The following PTPRB variants were observed in gnomAD, a reference collection of about 807,000 sequenced individuals.
PTPRB encodes receptor-type tyrosine-protein phosphatase beta.
In PTPRB, 97 loss-of-function variants were observed where a neutral mutation model predicts 238.1. That is an observed-to-expected ratio of 0.41 (90% CI 0.35 to 0.48). The LOEUF (loss-of-function observed/expected upper bound fraction) is 0.48. Ranked by LOEUF, PTPRB falls within the 20% of genes least tolerant of loss-of-function variation. The pLI, the probability that PTPRB is intolerant of heterozygous loss-of-function variation, is 0.30. For synonymous variants in PTPRB, 970 were observed against 995.4 expected, an observed-to-expected ratio of 0.97 and a Z score of 0.48; for missense variants, 2,292 against 2,681.9, an observed-to-expected ratio of 0.85 and a Z score of 3.21.
At position 70,566,577 on chromosome 12, in the gene PTPRB, G is replaced by T; in HGVS notation, c.3762C>A (p.Ile1254=). 1 of 1,613,976 alleles carries T rather than the reference G, an allele frequency of 6.2e-7. No individual in the cohort carries two copies. Among genetic ancestry groups the T allele is most frequent in the Non-Finnish European group, 8.5e-7 (1 of 1,179,892 alleles). Residue 1254 remains isoleucine (I), a synonymous_variant, in exon 15 of 34, where the codon ATC becomes ATA. Transcript: ENST00000334414. ...YDILLLTENG[I]LLRNTSEPAT... is the part of the protein sequence containing the mutation. ...CTGGCTCTGATGTGTTGCGCAGAAG[G>T]ATTCCATTTTCAGTTAGAAGCAGGA...
At chr12:70,541,856 A>G (rs11178277) in intron 22 of PTPRB, 49,701 of 152,094 alleles carry the variant, frequency 0.33, 9,517 homozygotes, top group Middle Eastern at 0.53. Context: ...TTGTTTATCC[A>G]TTGATGGACA....
chr12:70,612,629 C>A (rs1010792644), intron 3 of PTPRB, among the ~76,000 whole-genome samples: 12 of 151,584 alleles, frequency 7.9e-5, no homozygotes, highest in Non-Finnish European at 1.8e-4. Context: ...AAGGGTGGGG[C>A]TGCTTTTGAT....
At chr12:70,557,298 A>G (rs1877835793) in intron 18 of PTPRB, among the ~76,000 whole-genome samples, 1 of 149,950 alleles carries the variant, frequency 6.7e-6, no homozygotes, top group African/African-American at 2.4e-5. Flanking sequence ...CATGAAAATT[A>G]TAAACTTCTA....
At chr12:70,618,146 C>T (rs538084369) in intron 3 of PTPRB, among the ~76,000 whole-genome samples, 4 of 152,318 alleles carry the variant, frequency 2.6e-5, no homozygotes, top group African/African-American at 9.6e-5. Flanking sequence ...GTCATCCAGG[C>T]TGGAGTGCAG....
Position 70,521,311 on chromosome 12 carries a change from C to A in PTPRB, c.*178G>T. 1 of 449,152 alleles carries A rather than the reference C, an allele frequency of 2.2e-6. No individual in the cohort carries two copies. The allele number at this position is 449,152 out of a possible 1,614,324, so 27.8% of individuals were successfully genotyped here. Reference sequence around the variant, plus strand: ...TTACAGAAGAAACTACAAAATACAACTATGTACAATAATATCTGTTACCTT... The same window carrying A: ...TTACAGAAGAAACTACAAAATACAAATATGTACAATAATATCTGTTACCTT... On this transcript the variant is annotated 3_prime_UTR_variant, in exon 34 of 34. Transcript: ENST00000334414.
intron 11 of PTPRB, among the ~76,000 whole-genome samples, chr12:70,575,694 C>G (rs1880610963): frequency 6.6e-6 from 1 of 152,164 alleles, no homozygotes; most frequent in Admixed American, 6.5e-5. Context: ...GTATTGATGC[C>G]AACCTTAAGC....
Position 70,532,174 on chromosome 12 carries a change from G to C in PTPRB, c.6369-4C>G. ...TCCAGTCCTACCCACACCAGCACTAGAAGAGATGGCAAAGGAAGATTGAGC... is the reference window on the plus strand; with the variant it reads ...TCCAGTCCTACCCACACCAGCACTACAAGAGATGGCAAAGGAAGATTGAGC... On this transcript the variant is annotated splice_polypyrimidine_tract_variant and splice_region_variant and intron_variant, in intron 31 of 33. Coordinates refer to ENST00000334414, the MANE Select transcript of PTPRB (RefSeq NM_001109754.4). 1.3e-6 allele frequency: 2 copies of C among 1,582,936 alleles called. No individual in the cohort carries two copies. The highest frequency in any genetic ancestry group is 2.3e-5 in the East Asian group (1 of 43,976).
intron 14 of PTPRB, among the ~76,000 whole-genome samples, 178 bp downstream of exon 14, chr12:70,569,497 G>A (rs1407206555): frequency 6.6e-6 from 1 of 152,160 alleles, no homozygotes; most frequent in Non-Finnish European, 1.5e-5. Flanking sequence ...TTGTTTTGCA[G>A]ATCTCTATTA....
At position 70,517,415 on chromosome 12, in the gene PTPRB, T is replaced by C. The variant is rs1055540361; in HGVS notation, c.*4074A>G. 9 of 152,208 alleles carry C rather than the reference T, an allele frequency of 5.9e-5. No homozygotes were observed. Among genetic ancestry groups the C allele is most frequent in the African/African-American group, 2.2e-4 (9 of 41,452 alleles). The allele number at this position is 152,208 out of a possible 1,614,324, so 9.4% of individuals were successfully genotyped here. A position where few individuals can be genotyped will look rare whatever the true frequency, so the allele number is the denominator to read the frequency against. ...TCATTTCACTTGCTTTTTGCAGTCA[T>C]CGTTTACAGATTTTCCTTTGATAGG... is the stretch of plus-strand genomic sequence containing the variant. On this transcript the variant is annotated 3_prime_UTR_variant, in exon 34 of 34. Coordinates refer to ENST00000334414, the MANE Select transcript of PTPRB (RefSeq NM_001109754.4).
rs530374997 is a variant in PTPRB at position 70,603,192 on chromosome 12, C to T, written c.979+5877G>A. On this transcript the variant is annotated intron_variant, in intron 4 of 33. Coordinates refer to ENST00000334414, the MANE Select transcript of PTPRB (RefSeq NM_001109754.4). ...GGAAGACCAATTTCAGAGAACTGGG[C>T]TGGTTCATTCCATATAGGTAGCTCA... Among the ~76,000 whole-genome samples, 141 of 152,194 alleles carry T rather than the reference C, an allele frequency of 9.3e-4. 2 individuals carry two copies. The South Asian group carries it at 0.017, about 18-fold the overall frequency.
rs1878415762 is a variant in PTPRB at position 70,561,008 on chromosome 12, T to C, written c.4169-74A>G. On this transcript the variant is annotated intron_variant, in intron 16 of 33. Transcript: ENST00000334414. ...ATTTTGGCCCACAGGTGAGAGTATA[T>C]GCTATGTTGGGCATGTGGGTGAGTC... 6 of 1,450,264 alleles carry C rather than the reference T, an allele frequency of 4.1e-6. No individual in the cohort carries two copies. In the South Asian group the frequency reaches 4.9e-5, roughly 12 times the overall value. The allele number at this position is 1,450,264 out of a possible 1,614,324, so 89.8% of individuals were successfully genotyped here.
chr12:70,563,325 T>C (rs931897713), intron 15 of PTPRB, among the ~76,000 whole-genome samples: 1 of 152,208 alleles, frequency 6.6e-6, no homozygotes, highest in African/African-American at 2.4e-5. Context: ...CAAGGTCAAG[T>C]GCTGCTAGCA....
At chr12:70,567,454 T>C (rs556765588) in intron 14 of PTPRB, among the ~76,000 whole-genome samples, 1 of 152,336 alleles carries the variant, frequency 6.6e-6, no homozygotes, top group East Asian at 1.9e-4. Context: ...TTTGTTTCTA[T>C]CTCTTGGTTC....
intron 4 of PTPRB, among the ~76,000 whole-genome samples, chr12:70,607,292 C>A (rs377027781): frequency 2.0e-5 from 3 of 152,206 alleles, no homozygotes; most frequent in African/African-American, 7.2e-5. Context: ...TTACAAATTG[C>A]TCTGCTCCAC....
At position 70,539,673 on chromosome 12, in the gene PTPRB, G is replaced by T; in HGVS notation, c.5730C>A (p.Phe1910Leu). Reference protein sequence around the residue: ...PIKINQFEGHFMKLQADSNYL... With the variant: ...PIKINQFEGHLMKLQADSNYL... ...AGTTGGAGTCAGCCTGTAGCTTCATGAAATGCCCTTCAAACTGATTTATTT... is the reference window on the plus strand; with the variant it reads ...AGTTGGAGTCAGCCTGTAGCTTCATTAAATGCCCTTCAAACTGATTTATTT... The change falls in exon 26 of 34, where the codon TTC becomes TTA. Residue 1910 changes from phenylalanine to leucine, a missense_variant. Transcript: ENST00000334414. 6.3e-7 allele frequency: 1 copy of T among 1,590,976 alleles called. No homozygotes were observed. The highest frequency in any genetic ancestry group is 1.1e-5 in the South Asian group (1 of 88,450).
chr12:70,533,969 C>CAAAT (rs2136230309), intron 31 of PTPRB, among the ~76,000 whole-genome samples: 1 of 152,154 alleles, frequency 6.6e-6, no homozygotes, highest in Non-Finnish European at 1.5e-5. Context: ...TTTAGCAGCA[C>CAAAT]AAATAGACAA....
chr12:70,535,933 T>G (rs1260916311), intron 29 of PTPRB, 92 bp downstream of exon 29: 1 of 1,497,104 alleles, frequency 6.7e-7, no homozygotes, highest in Non-Finnish European at 9.2e-7. Context: ...GATCCCTACG[T>G]TGTTTTGCGG....
At chr12:70,524,682 A>G in intron 32 of PTPRB, 91 bp from the exon 33 acceptor site, 1 of 1,331,074 alleles carries the variant, frequency 7.5e-7, no homozygotes, top group Non-Finnish European at 1.0e-6. Flanking sequence ...TGATGGGATT[A>G]TATAGTTAGC....
chr12:70,570,035 C>G (rs1879838051), intron 13 of PTPRB, 97 bp from the exon 14 acceptor site: 1 of 1,120,188 alleles, frequency 8.9e-7, no homozygotes, highest in African/African-American at 1.6e-5. Context: ...TTGGCACCCA[C>G]TGAGAGAACT....
Sources: gnomAD v4.1 joint callset for allele counts (sites outside exome capture counted in the v4.1 genomes callset) on GRCh38, gnomAD v4.1.1 for gene constraint, MANE v1.5 for transcripts, NCBI Gene and HGNC (gene_info 2026-07-23, HGNC 2026-07-21) for gene names.